Variants in PXN observed in about 807,000 individuals in gnomAD.
The protein encoded by PXN is testicular tissue protein Li 134.
Under a neutral mutation model 103.6 loss-of-function variants are expected in PXN, and 61 were observed. The ratio of observed to expected loss-of-function variants is 0.59; its 90% CI spans 0.48 to 0.73. PXN has a LOEUF of 0.73. Among genes scored for constraint, PXN ranks in the 30% least tolerant of loss-of-function variants. The pLI is 0.00. For missense variants in PXN, 1,274 were observed against 1,460.3 expected (o/e 0.87, Z 2.08); for synonymous variants, 562 against 607.8 (o/e 0.92, Z 1.11).
rs771359010 is a variant in PXN, at chr12:120,215,986, G to A, written c.2301+287C>T. 1.2e-5 allele frequency: 16 copies of A among 1,373,746 alleles called. No individual in the cohort carries two copies. The East Asian group carries it at 4.1e-4, about 35-fold the overall frequency. The allele number at this position is 1,373,746 out of a possible 1,614,324, so 85.1% of individuals were successfully genotyped here. A position where few individuals can be genotyped will look rare whatever the true frequency, so the allele number is the denominator to read the frequency against. ...AGACAGGTTTCTGGTCTCCCTTCTG[G>A]AGTGGCTTCTTTCCTCGATGGGAGC... On this transcript the variant is annotated intron_variant, in intron 9 of 14. Transcript: ENST00000637617. The surrounding 1 kb of genome is among the most constrained non-coding windows in gnomAD (Gnocchi z 4.9).
chr12:120,216,526 GC>G lies in PXN; in HGVS notation c.2047del (p.Ala683LeufsTer68). The G allele has an allele frequency of 7.1e-7, 1 of 1,404,570 alleles. No homozygotes were observed. Among genetic ancestry groups the G allele is most frequent in the Non-Finnish European group, 9.2e-7 (1 of 1,087,784 alleles). The allele number at this position is 1,404,570 out of a possible 1,614,324, so 87.0% of individuals were successfully genotyped here. On this transcript the variant is annotated frameshift_variant, in exon 9 of 15. Coordinates refer to ENST00000637617, the MANE Select transcript of PXN (RefSeq NM_001385981.1). LOFTEE classifies it high-confidence loss of function. The surrounding 1 kb of genome is among the most constrained non-coding windows in gnomAD (Gnocchi z 5.1). Reference sequence around the variant, plus strand: ...CTGGAGCAAAGGGACAGAAGGAGAAGCCAGGACAGAGATGGTTCTTCTCAGG... The same window carrying G: ...CTGGAGCAAAGGGACAGAAGGAGAAGCAGGACAGAGATGGTTCTTCTCAGG... Reference protein sequence around the residue: ...IPLRRTISVLASPSVPLLQHR... With the variant: ...IPLRRTISVLXSPSVPLLQHR...
chr12:120,246,641 T>C (rs1891202183), intron 1 of PXN, among the ~76,000 whole-genome samples: 1 of 151,520 alleles, frequency 6.6e-6, no homozygotes, highest in African/African-American at 2.4e-5. Flanking sequence ...GATCGTGAGA[T>C]CAGGAGATCG....
chr12:120,246,296 G>A (rs1245641204), intron 1 of PXN, among the ~76,000 whole-genome samples: 2 of 152,048 alleles, frequency 1.3e-5, no homozygotes, highest in African/African-American at 4.8e-5. Context: ...GGAGGCTGAG[G>A]TGGGCAGATC....
intron 1 of PXN, among the ~76,000 whole-genome samples, chr12:120,255,785 T>C (rs1325808414): frequency 6.6e-6 from 1 of 151,686 alleles, no homozygotes; most frequent in Non-Finnish European, 1.5e-5. Flanking sequence ...ATGGCTCACA[T>C]CTGTAATTCC....
Position 120,211,568 on chromosome 12 carries a change from C to T in PXN, c.*746G>A, listed in dbSNP as rs1037292018. On this transcript the variant is annotated 3_prime_UTR_variant, in exon 15 of 15. Coordinates refer to ENST00000637617, the MANE Select transcript of PXN (RefSeq NM_001385981.1). ...ATTTTGTATAGAGAAGTAAAAGCAA[C>T]TCAGGCGATATGAATTCAAACCTCA... is the stretch of plus-strand genomic sequence containing the variant. 4.8e-6 allele frequency: 1 copy of T among 206,590 alleles called. No homozygotes were observed. Among genetic ancestry groups the T allele is most frequent in the Non-Finnish European group, 1.0e-5 (1 of 98,516 alleles). The allele number at this position is 206,590 out of a possible 1,614,324, so 12.8% of individuals were successfully genotyped here. A position where few individuals can be genotyped will look rare whatever the true frequency, so the allele number is the denominator to read the frequency against.
chr12:120,219,195 G>C lies in PXN; in HGVS notation c.1716+12C>G, dbSNP rs746937694. 1.9e-5 allele frequency: 29 copies of C among 1,552,210 alleles called. No homozygotes were observed. The highest frequency in any genetic ancestry group is 2.4e-5 in the Non-Finnish European group (28 of 1,153,110). The stretch of plus-strand genomic sequence containing the variant: ...ATGGCCATGCCCAGCAGCCATGCGA[G>C]CTGGTGCCTGCCTGGCCAGAGGTGG... On this transcript the variant is annotated intron_variant, in intron 7 of 14. Transcript: ENST00000637617. The surrounding 1 kb of genome is among the most constrained non-coding windows in gnomAD (Gnocchi z 6.5).
At chr12:120,249,899 G>A (rs1891868786) in intron 1 of PXN, 1 of 985,362 alleles carries the variant, frequency 1.0e-6, no homozygotes, top group Non-Finnish European at 1.2e-6. Flanking sequence ...GACGCATTGT[G>A]CCTGATGAAG....
intron 1 of PXN, among the ~76,000 whole-genome samples, chr12:120,246,672 G>A (rs1891207862): frequency 1.3e-5 from 2 of 151,752 alleles, no homozygotes; most frequent in South Asian, 4.2e-4. Context: ...GGCTAACATG[G>A]TAAAACCCTG....
At position 120,213,315 on chromosome 12, in the gene PXN, G is replaced by A. The variant is rs1881032963; in HGVS notation, c.2979+527C>T. Among the ~76,000 whole-genome samples the A allele has an allele frequency of 6.6e-6, 1 of 152,226 alleles. No homozygotes were observed. The highest frequency in any genetic ancestry group is 1.5e-5 in the Non-Finnish European group (1 of 68,048). On this transcript the variant is annotated intron_variant, in intron 14 of 14. Coordinates refer to ENST00000637617, the MANE Select transcript of PXN (RefSeq NM_001385981.1). The surrounding 1 kb of genome is among the most constrained non-coding windows in gnomAD (Gnocchi z 4.2). ...GAATCACTGGAACTCAGCAGGCAGA[G>A]GTTGCAGTCAGCCAAGATCGTGCCA...
intron 1 of PXN, among the ~76,000 whole-genome samples, chr12:120,230,401 C>A (rs747232011): frequency 1.8e-4 from 28 of 152,202 alleles, no homozygotes; most frequent in Non-Finnish European, 2.5e-4. Flanking sequence ...GTTCCCAACC[C>A]CCTGATGACC....
chr12:120,262,268 C>A (rs1893994893), intron 1 of PXN, among the ~76,000 whole-genome samples: 1 of 152,244 alleles, frequency 6.6e-6, no homozygotes, highest in Non-Finnish European at 1.5e-5. Flanking sequence ...CTGGGCACTG[C>A]CAACAGCTGG....
chr12:120,240,573 C>T (rs1255565690), intron 1 of PXN, among the ~76,000 whole-genome samples: 1 of 152,180 alleles, frequency 6.6e-6, no homozygotes, highest in Non-Finnish European at 1.5e-5. Context: ...AAAGGGTCAC[C>T]AAGCAGATGC....
chr12:120,226,590 G>C (rs907690987), intron 1 of PXN: 1 of 1,192,630 alleles, frequency 8.4e-7, no homozygotes, highest in Middle Eastern at 2.4e-4. Flanking sequence ...TCTAAGCCTG[G>C]GCTTTTGGTT....
chr12:120,215,901 G>A lies in PXN; in HGVS notation c.2302-240C>T, dbSNP rs1394274690. The A allele has an allele frequency of 1.4e-6, 2 of 1,386,702 alleles. No individual in the cohort carries two copies. The highest frequency in any genetic ancestry group is 1.9e-6 in the Non-Finnish European group (2 of 1,066,502). 85.9% of individuals were successfully genotyped at this position (1,386,702 alleles called of 1,614,324 possible). On this transcript the variant is annotated intron_variant, in intron 9 of 14. Transcript: ENST00000637617. This position sits in a 1 kb window ranked among gnomAD's most constrained non-coding sequence, Gnocchi z 4.9. ...AAAGGCAGAGGAAATGGCAAGGGGA[G>A]GTGGCCGGGCTCAGTGATGAGGCCT...
rs1594411955 is a variant in PXN at position 120,224,524 on chromosome 12, A to G, written c.14-147T>C. On this transcript the variant is annotated intron_variant, in intron 1 of 14. Transcript: ENST00000637617. The surrounding 1 kb of genome is among the most constrained non-coding windows in gnomAD (Gnocchi z 5.0). ...AGAAATGACCAGCCTTGGGACAGGA[A>G]GCCACCAGCCCCGACCAGCCTAACC... 1 of 754,968 alleles carries G rather than the reference A, an allele frequency of 1.3e-6. No individual in the cohort carries two copies. Among genetic ancestry groups the G allele is most frequent in the Middle Eastern group, 2.3e-4 (1 of 4,428 alleles). The allele number at this position is 754,968 out of a possible 1,614,324, so 46.8% of individuals were successfully genotyped here.
Position 120,215,654 on chromosome 12 carries a change from C to A in PXN, c.2309G>T (p.Gly770Val). 6.2e-7 allele frequency: 1 copy of A among 1,607,258 alleles called. No homozygotes were observed. The highest frequency in any genetic ancestry group is 1.7e-5 in the Admixed American group (1 of 58,056). Residue 770 changes from glycine (G) to valine (V), a missense_variant, in exon 10 of 15, where the codon GGC becomes GTC. Physicochemically the swap from Gly to Val is moderately radical, Grantham distance 109. Coordinates refer to ENST00000637617, the MANE Select transcript of PXN (RefSeq NM_001385981.1). The surrounding 1 kb of genome is among the most constrained non-coding windows in gnomAD (Gnocchi z 4.9). ...DPLFPPMQIQ[G>V]LEQRADGERC... ...CTCCCCATCCGCTCTTTGCTCCAGG[C>A]CCTGGATCTTAGATAGGGGAAGAGA...
Position 120,261,536 on chromosome 12 carries a change from G to A in PXN, c.13+4081C>T, listed in dbSNP as rs117716754. Among the ~76,000 whole-genome samples, 201 of 152,130 alleles carry A rather than the reference G, an allele frequency of 1.3e-3. No homozygotes were observed. The East Asian group carries it at 0.021, about 16-fold the overall frequency. On this transcript the variant is annotated intron_variant, in intron 1 of 14. Transcript: ENST00000637617. ...AGGCACTGAGACTAGGATGATCCCCGGAAAGGCTGCAATGAGGCTGGAAGT... is the reference window on the plus strand; with the variant it reads ...AGGCACTGAGACTAGGATGATCCCCAGAAAGGCTGCAATGAGGCTGGAAGT...
intron 1 of PXN, among the ~76,000 whole-genome samples, chr12:120,255,988 C>T (rs1239089690): frequency 1.3e-5 from 2 of 151,702 alleles, no homozygotes; most frequent in Non-Finnish European, 2.9e-5. Context: ...AGGAGGATCG[C>T]TTGACCCTGG....
chr12:120,232,230 A>C (rs1248225104), intron 1 of PXN, among the ~76,000 whole-genome samples: 1 of 152,176 alleles, frequency 6.6e-6, no homozygotes, highest in East Asian at 1.9e-4. Context: ...TATGTTGCCC[A>C]AGCTGGTCTT....
Sources: gnomAD v4.1 joint callset for allele counts (sites outside exome capture counted in the v4.1 genomes callset) on GRCh38, gnomAD v4.1.1 for gene constraint, Gnocchi (gnomAD v3.1) non-coding constraint, MANE v1.5 for transcripts, NCBI Gene and HGNC (gene_info 2026-07-23, HGNC 2026-07-21) for gene names.